HEATR6: variants seen among roughly 807,000 people sequenced by gnomAD.
The protein encoded by HEATR6 is HEAT repeat-containing protein 6.
In HEATR6, 106 loss-of-function variants were observed where a neutral mutation model predicts 132.8. That is an observed-to-expected ratio of 0.80 (90% CI 0.68 to 0.94). HEATR6 has a LOEUF of 0.94. Among genes scored for constraint, HEATR6 ranks in the 40% least tolerant of loss-of-function variants. HEATR6 has a pLI of 0.00. For synonymous variants in HEATR6, 529 were observed against 537.8 expected (o/e 0.98, Z 0.23); for missense variants, 1,339 against 1,425.1 (o/e 0.94, Z 0.97).
At position 60,047,379 on chromosome 17, in the gene HEATR6, TC is replaced by T. The variant is rs1906405053; in HGVS notation, c.2698del (p.Glu900LysfsTer9). The T allele has an allele frequency of 6.2e-7, 1 of 1,612,940 alleles. No individual in the cohort carries two copies. ...NMETPDPSFQ[E>X]EFSGLLLLKM... ...CAAGAGCAGGAGACCAGAGAACTCT[TC>T]CTGGAAACTTGGGTCTGGTGTTTCC... On this transcript the variant is annotated frameshift_variant, in exon 18 of 20. Transcript: ENST00000184956. LOFTEE classifies it high-confidence loss of function.
chr17:60,055,752 C>G (rs1240924951), intron 13 of HEATR6, 151 bp from the exon 14 acceptor site: 2 of 575,380 alleles, frequency 3.5e-6, no homozygotes, highest in African/African-American at 1.9e-5. Flanking sequence ...TCTAGTAACA[C>G]CTTCACTTTA....
Position 60,072,219 on chromosome 17 carries a change from C to CA in HEATR6, c.694dup (p.Cys232LeufsTer26). On this transcript the variant is annotated frameshift_variant, in exon 5 of 20. Coordinates refer to ENST00000184956, the MANE Select transcript of HEATR6 (RefSeq NM_022070.5). LOFTEE classifies it high-confidence loss of function. ...CGTCAATGATAGTCCACTTACCATG[C>CA]AAAATGTGATATCATCCATATCAGA... is the stretch of plus-strand genomic sequence containing the variant. The CA allele has an allele frequency of 1.3e-6, 2 of 1,539,196 alleles. No individual in the cohort carries two copies. Among genetic ancestry groups the CA allele is most frequent in the Non-Finnish European group, 1.8e-6 (2 of 1,117,610 alleles).
At chr17:60,060,177 A>G in intron 9 of HEATR6, 81 bp from the exon 10 acceptor site, 1 of 945,968 alleles carries the variant, frequency 1.1e-6, no homozygotes, top group Non-Finnish European at 1.7e-6. Context: ...TTTAATGTTC[A>G]AAGTATTTAC....
intron 5 of HEATR6, among the ~76,000 whole-genome samples, chr17:60,071,868 A>G (rs1007639764): frequency 2.0e-5 from 3 of 152,202 alleles, no homozygotes; most frequent in Admixed American, 2.0e-4. Flanking sequence ...TGTCGTTTGC[A>G]TCGTATTTTT....
intron 10 of HEATR6, 114 bp from the exon 11 acceptor site, chr17:60,059,635 C>A: frequency 1.4e-6 from 1 of 717,070 alleles, no homozygotes; most frequent in Non-Finnish European, 2.3e-6. Context: ...AAATTAGCCC[C>A]CCTTTTTTTT....
chr17:60,075,545 C>T (rs1898677566), intron 2 of HEATR6: 1 of 152,092 alleles, frequency 6.6e-6, no homozygotes, highest in Non-Finnish European at 1.5e-5. Flanking sequence ...CCCCAAGCTA[C>T]TTCTTATATT....
intron 16 of HEATR6, 152 bp downstream of exon 16, chr17:60,049,428 C>T (rs879019007): frequency 3.2e-5 from 27 of 851,708 alleles, no homozygotes; most frequent in East Asian, 2.6e-4. Context: ...CCATGCCTGG[C>T]CCATGACCAT....
rs935254611 is a variant in HEATR6, at chr17:60,070,714, C to T, written c.793G>A (p.Val265Met). 1.5e-5 allele frequency: 24 copies of T among 1,580,226 alleles called. No homozygotes were observed. Among genetic ancestry groups the T allele is most frequent in the Non-Finnish European group, 1.9e-5 (22 of 1,149,352 alleles). Residue 265 changes from valine to methionine, a missense_variant, in exon 6 of 20, where the codon GTG (valine) becomes ATG (methionine). By Grantham distance (21) the Val-to-Met change is conservative (BLOSUM62 1). Transcript: ENST00000184956. ...ATGAAGACTTGCCTTACCTTTAGCA[C>T]AGCTAAAAGTGCTCCAAGTTCATCA... ...QTDELGALLA[V>M]LKKFMFHGLP...
chr17:60,042,302 C>G lies in HEATR6; in HGVS notation c.*1261G>C, dbSNP rs1906194385. Among the ~76,000 whole-genome samples the G allele has an allele frequency of 6.6e-6, 1 of 152,222 alleles. No individual in the cohort carries two copies. The highest frequency in any genetic ancestry group is 1.5e-5 in the Non-Finnish European group (1 of 68,048). Reference sequence around the variant, plus strand: ...GAAGGTGGTCAGGGGAACACGGGCACTCCAGAAGCTCGGAGCAGCAGCTCA... The same window carrying G: ...GAAGGTGGTCAGGGGAACACGGGCAGTCCAGAAGCTCGGAGCAGCAGCTCA... On this transcript the variant is annotated 3_prime_UTR_variant, in exon 20 of 20. Transcript: ENST00000184956.
At chr17:60,074,189 C>T (rs1210690806) in intron 2 of HEATR6, 13 of 1,017,800 alleles carry the variant, frequency 1.3e-5, no homozygotes, top group East Asian at 1.3e-4. Flanking sequence ...AGTATTTCAA[C>T]GCACTGAAAT....
intron 19 of HEATR6, 93 bp downstream of exon 19, chr17:60,045,932 C>A (rs1906349972): frequency 3.0e-6 from 3 of 983,712 alleles, no homozygotes; most frequent in African/African-American, 1.6e-5. Context: ...AATACTATGA[C>A]AAATAACATG....
At position 60,056,428 on chromosome 17, in the gene HEATR6, G is replaced by C. The variant is rs115129317; in HGVS notation, c.2080-191C>G. Among the ~76,000 whole-genome samples, 237 of 152,282 alleles carry C rather than the reference G, an allele frequency of 1.6e-3. 1 individual carries two copies. The highest frequency in any genetic ancestry group is 5.6e-3 in the African/African-American group (232 of 41,558). Reference sequence around the variant, plus strand: ...TGTATCATAGTTTTATGGTGCTTTAGTATATGATTGCTTTTCATTAACAGA... The same window carrying C: ...TGTATCATAGTTTTATGGTGCTTTACTATATGATTGCTTTTCATTAACAGA... On this transcript the variant is annotated intron_variant, in intron 12 of 19. Coordinates refer to ENST00000184956, the MANE Select transcript of HEATR6 (RefSeq NM_022070.5).
intron 16 of HEATR6, among the ~76,000 whole-genome samples, 193 bp from the exon 17 acceptor site, chr17:60,048,581 T>G (rs1045309856): frequency 1.3e-5 from 2 of 152,122 alleles, no homozygotes; most frequent in African/African-American, 4.8e-5. Context: ...CAGGGGAAGC[T>G]CCCATAATTT....
At chr17:60,048,983 A>AATATAT (rs35114523) in intron 16 of HEATR6, among the ~76,000 whole-genome samples, 1,892 of 69,112 alleles carry the variant, frequency 0.027, 35 homozygotes, top group African/African-American at 0.059. Flanking sequence ...ATATATATAT[A>AATATAT]ATATATATAT....
chr17:60,069,878 A>G, intron 6 of HEATR6, 30 bp from the exon 7 acceptor site: 2 of 1,608,246 alleles, frequency 1.2e-6, no homozygotes, highest in Non-Finnish European at 8.5e-7. Context: ...ACACACACAC[A>G]CACACGAAAC....
Position 60,042,763 on chromosome 17 carries a change from GC to G in HEATR6, c.*799del, listed in dbSNP as rs56377637. ...GCTGTGAGGCACCGTCAGCATCCTCGCGTCCTGTGTGGCTGTGAGGCACCGT... is the reference window on the plus strand; with the variant it reads ...GCTGTGAGGCACCGTCAGCATCCTCGGTCCTGTGTGGCTGTGAGGCACCGT... On this transcript the variant is annotated 3_prime_UTR_variant, in exon 20 of 20. Transcript: ENST00000184956. 8.4e-5 allele frequency among the ~76,000 whole-genome samples: 6 copies of G among 71,536 alleles called. No individual in the cohort carries two copies. The highest frequency in any genetic ancestry group is 4.2e-4 in the African/African-American group (6 of 14,340). The allele number at this position is 71,536 out of a possible 152,430, so 46.9% of individuals were successfully genotyped here.
At chr17:60,048,992 A>AACG (rs1346009341) in intron 16 of HEATR6, among the ~76,000 whole-genome samples, 14,430 of 128,782 alleles carry the variant, frequency 0.11, 1,480 homozygotes, top group African/African-American at 0.23. Flanking sequence ...TAATATATAT[A>AACG]TATATATATA....
chr17:60,046,258 CTGTT>C (rs1568604072), intron 18 of HEATR6, 29 bp from the exon 19 acceptor site: 2 of 1,546,270 alleles, frequency 1.3e-6, no homozygotes, highest in Non-Finnish European at 1.8e-6. Context: ...CTTTAGAAAT[CTGTT>C]TGGCCAAAGA....
Position 60,050,931 on chromosome 17 carries a change from G to A in HEATR6, c.2336C>T (p.Ala779Val). 6.2e-7 allele frequency: 1 copy of A among 1,614,176 alleles called. No homozygotes were observed. Among genetic ancestry groups the A allele is most frequent in the Non-Finnish European group, 8.5e-7 (1 of 1,180,000 alleles). Reference sequence around the variant, plus strand: ...AGTTGGGTGTTCTGAATTCTGCAGGGCTCTGGGTAAAGGACCGTTCAGCAT... The same window carrying A: ...AGTTGGGTGTTCTGAATTCTGCAGGACTCTGGGTAAAGGACCGTTCAGCAT... ...TMMLNGPLPR[A>V]LQNSEHPTLQ... Residue 779 changes from alanine (A) to valine (V), a missense_variant, in exon 15 of 20, where the codon GCC becomes GTC. By Grantham distance (64) the Ala-to-Val change is moderately conservative. Transcript: ENST00000184956.
Sources: gnomAD v4.1 joint callset for allele counts (sites outside exome capture counted in the v4.1 genomes callset) on GRCh38, gnomAD v4.1.1 for gene constraint, MANE v1.5 for transcripts, NCBI Gene and HGNC (gene_info 2026-07-23, HGNC 2026-07-21) for gene names.